Variants in MRPS5 observed in about 807,000 individuals in gnomAD.
MRPS5 encodes mitochondrial ribosomal protein S5, also known as small ribosomal subunit protein uS5m.
Under a neutral mutation model 51.9 loss-of-function variants are expected in MRPS5, and 27 were observed. The ratio of observed to expected loss-of-function variants is 0.52; its 90% confidence interval spans 0.38 to 0.72. The LOEUF is 0.72. Among genes scored for constraint, MRPS5 ranks in the 30% least tolerant of loss-of-function variants. The probability of loss-of-function intolerance (pLI) is 0.00; values close to 1 mark genes in which losing one functional copy is unlikely to be tolerated. For missense variants in MRPS5, 570 were observed against 545.7 expected (o/e 1.04, Z -0.44); for synonymous variants, 196 against 193.2 (o/e 1.01, Z -0.12).
chr2:95,111,471 G>A (rs1573346762), intron 3 of MRPS5, among the ~76,000 whole-genome samples: 1 of 152,142 alleles, frequency 6.6e-6, no homozygotes, highest in East Asian at 1.9e-4. Context: ...AAAAGAACTT[G>A]ACATTGAGAC....
chr2:95,118,891 A>C (rs1218766586), intron 1 of MRPS5, among the ~76,000 whole-genome samples: 1 of 152,238 alleles, frequency 6.6e-6, no homozygotes, highest in Non-Finnish European at 1.5e-5. Flanking sequence ...AAAACGATGA[A>C]ACTTAGAAGA....
intron 7 of MRPS5, 143 bp downstream of exon 7, chr2:95,104,497 C>T (rs1232395491): frequency 1.2e-6 from 1 of 802,284 alleles, no homozygotes; most frequent in Non-Finnish European, 2.2e-6. Flanking sequence ...TTACCACAAG[C>T]TTTGTGAACC....
chr2:95,096,783 C>T (rs1160959483), intron 10 of MRPS5, among the ~76,000 whole-genome samples: 4 of 152,158 alleles, frequency 2.6e-5, no homozygotes, highest in Non-Finnish European at 5.9e-5. Context: ...TGGCACAAGA[C>T]AGGGAAGCCC....
intron 5 of MRPS5, among the ~76,000 whole-genome samples, chr2:95,107,853 G>GC (rs1247641156): frequency 1.2e-4 from 18 of 152,114 alleles, no homozygotes; most frequent in Admixed American, 1.1e-3. Flanking sequence ...CTCCACAGGT[G>GC]TCCCTGTGGC....
rs749377349 is a variant in MRPS5, at chr2:95,121,708, C to G, written c.58+26G>C. On this transcript the variant is annotated intron_variant, in intron 1 of 11. Coordinates refer to ENST00000272418, the MANE Select transcript of MRPS5 (RefSeq NM_031902.5). Reference sequence around the variant, plus strand: ...CCCCACTCCCGGCCCGCTCAGAGCCCCTGCTCCCGGCGTCCCAGCTCTCAC... The same window carrying G: ...CCCCACTCCCGGCCCGCTCAGAGCCGCTGCTCCCGGCGTCCCAGCTCTCAC... The G allele has an allele frequency of 2.6e-6, 4 of 1,529,718 alleles. No homozygotes were observed. The South Asian group carries it at 3.6e-5, about 14-fold the overall frequency. 94.8% of individuals were successfully genotyped at this position (1,529,718 alleles called of 1,614,324 possible).
intron 10 of MRPS5, among the ~76,000 whole-genome samples, chr2:95,096,304 A>G (rs1186840844): frequency 1.3e-5 from 2 of 152,244 alleles, no homozygotes; most frequent in Non-Finnish European, 2.9e-5. Context: ...CAATCAATAG[A>G]AAAAGAGGGA....
chr2:95,113,153 T>C (rs1676175878), intron 3 of MRPS5, among the ~76,000 whole-genome samples: 1 of 151,934 alleles, frequency 6.6e-6, no homozygotes, highest in Non-Finnish European at 1.5e-5. Flanking sequence ...AGAACAAGGC[T>C]TTTTAGAACA....
chr2:95,094,529 G>A (rs145427550), intron 10 of MRPS5, among the ~76,000 whole-genome samples: 49 of 152,254 alleles, frequency 3.2e-4, no homozygotes, highest in African/African-American at 9.6e-4. Flanking sequence ...GACTAACAGC[G>A]GATCTCTCAG....
intron 10 of MRPS5, chr2:95,091,571 G>C (rs1350517359): frequency 2.0e-5 from 3 of 152,226 alleles, no homozygotes; most frequent in Non-Finnish European, 4.4e-5. Context: ...GGTGGAGTGA[G>C]GGAGCTGCAG....
chr2:95,101,915 A>G, intron 7 of MRPS5, 192 bp from the exon 8 acceptor site: 1 of 543,516 alleles, frequency 1.8e-6, no homozygotes, highest in Non-Finnish European at 3.2e-6. Context: ...GCACTTTAGG[A>G]GGCTGAGGTG....
chr2:95,115,474 C>T (rs2104427939), intron 2 of MRPS5, among the ~76,000 whole-genome samples: 1 of 152,350 alleles, frequency 6.6e-6, no homozygotes, highest in East Asian at 1.9e-4. Flanking sequence ...AGTTTCAGCA[C>T]TGCATTCGCT....
Position 95,108,194 on chromosome 2 carries a change from A to C in MRPS5, c.618T>G (p.Pro206=). 1 of 1,614,126 alleles carries C rather than the reference A, an allele frequency of 6.2e-7. No individual in the cohort carries two copies. Among genetic ancestry groups the C allele is most frequent in the Non-Finnish European group, 8.5e-7 (1 of 1,179,968 alleles). Residue 206 remains proline (P), a synonymous_variant, in exon 5 of 12, where the codon CCT becomes CCG. Coordinates refer to ENST00000272418, the MANE Select transcript of MRPS5 (RefSeq NM_031902.5). The stretch of plus-strand genomic sequence containing the variant: ...TGCTACCTCCACAGGGACCAGGGTC[A>C]GGGGGGCCAAGACTGATGCCTCCCC... ...NSWGGISLGP[P]DPGPCGETYE...
At chr2:95,108,611 G>A (rs894513600) in intron 4 of MRPS5, among the ~76,000 whole-genome samples, 3 of 152,110 alleles carry the variant, frequency 2.0e-5, no homozygotes, top group African/African-American at 7.2e-5. Flanking sequence ...CTCACATACA[G>A]GTACAAGGCA....
intron 7 of MRPS5, among the ~76,000 whole-genome samples, chr2:95,102,859 C>T (rs1480572504): frequency 2.0e-5 from 3 of 152,178 alleles, no homozygotes; most frequent in Admixed American, 2.0e-4. Flanking sequence ...TTATCTGCTG[C>T]CACTGTATTT....
At chr2:95,090,176 CAAAAA>C (rs35901146) in intron 11 of MRPS5, among the ~76,000 whole-genome samples, 3 of 43,542 alleles carry the variant, frequency 6.9e-5, no homozygotes, top group Non-Finnish European at 4.0e-5. Flanking sequence ...GACTCCGTCT[CAAAAA>C]AAAAAAAAAA....
intron 7 of MRPS5, chr2:95,104,286 G>A (rs1675885213): frequency 5.8e-6 from 1 of 173,474 alleles, no homozygotes; most frequent in Non-Finnish European, 1.2e-5. Context: ...ATTCTTTAAT[G>A]GATACAGAAT....
At chr2:95,087,672 TG>T (rs1675337621) in intron 11 of MRPS5, 91 bp from the exon 12 acceptor site, 5 of 1,105,618 alleles carry the variant, frequency 4.5e-6, no homozygotes, top group Middle Eastern at 5.8e-4. Flanking sequence ...CAGTACAGCC[TG>T]GGGGTATTCA....
chr2:95,094,732 A>T (rs183291289), intron 10 of MRPS5, among the ~76,000 whole-genome samples: 5 of 152,224 alleles, frequency 3.3e-5, no homozygotes, highest in African/African-American at 9.6e-5. Flanking sequence ...TGAAGGAAGC[A>T]CTCAACATGG....
upstream of MRPS5, chr2:95,121,951 G>A (rs1676471368): frequency 4.9e-6 from 4 of 818,416 alleles, no homozygotes; most frequent in South Asian, 8.8e-5. Context: ...TGTCCGGACG[G>A]GCCACACTGC....
Sources: allele counts gnomAD v4.1 joint callset (sites outside exome capture counted in the v4.1 genomes callset), GRCh38; gene constraint gnomAD v4.1.1; transcripts MANE v1.5; gene names NCBI Gene and HGNC (gene_info 2026-07-23, HGNC 2026-07-21).